The following PCDH15 variants were observed in gnomAD, a reference collection of about 807,000 sequenced individuals.
PCDH15 encodes protocadherin related 15.
A neutral mutation model predicts 178.5 loss-of-function variants in PCDH15; 129 were observed. That is an observed-to-expected ratio of 0.72 (90% CI 0.63 to 0.84). The LOEUF (loss-of-function observed/expected upper bound fraction) is 0.84, where lower values mean the gene tolerates loss of function less well. PCDH15 is among the 40% of genes least tolerant of loss of function. The pLI, the probability that PCDH15 is intolerant of heterozygous loss-of-function variation, is 0.00. For missense variants in PCDH15, 2,230 were observed against 2,099.9 expected, an observed-to-expected ratio of 1.06 and a Z score of -1.21; for synonymous variants, 800 against 732.0, an observed-to-expected ratio of 1.09 and a Z score of -1.50.
chr10:54,467,434 A>G (rs1240862693), intron 3 of PCDH15, among the ~76,000 whole-genome samples: 1 of 151,760 alleles, frequency 6.6e-6, no homozygotes, highest in African/African-American at 2.4e-5. Flanking sequence ...CACCCTCTTT[A>G]TGTGATGTAT....
At chr10:54,240,253 G>A (rs1027040667) in intron 8 of PCDH15, among the ~76,000 whole-genome samples, 4 of 150,338 alleles carry the variant, frequency 2.7e-5, no homozygotes, top group African/African-American at 4.9e-5. Context: ...TAATATGTAC[G>A]TATTCAGTTC....
At chr10:55,123,304 A>G (rs1220609460) in intron 2 of PCDH15, among the ~76,000 whole-genome samples, 1 of 152,102 alleles carries the variant, frequency 6.6e-6, no homozygotes, top group Non-Finnish European at 1.5e-5. Flanking sequence ...TTCTCTCAAC[A>G]TTTCATTTTT....
At chr10:55,330,860 G>C (rs1844182017) in intron 2 of PCDH15, among the ~76,000 whole-genome samples, 2 of 151,344 alleles carry the variant, frequency 1.3e-5, no homozygotes, top group Admixed American at 6.6e-5. Flanking sequence ...GTGTGTGTGT[G>C]TGTGTGTGTA....
intron 29 of PCDH15, among the ~76,000 whole-genome samples, chr10:53,838,492 G>A (rs1037718357): frequency 6.6e-6 from 1 of 151,906 alleles, no homozygotes; most frequent in African/African-American, 2.4e-5. Context: ...TAGAAGGTTT[G>A]CTAGTTAAAT....
intron 2 of PCDH15, among the ~76,000 whole-genome samples, chr10:54,541,662 GA>G (rs1396264640): frequency 6.7e-5 from 10 of 150,302 alleles, no homozygotes; most frequent in African/African-American, 2.4e-4. Context: ...AAGGAGAAAG[GA>G]AAAGGATAAT....
chr10:55,194,590 G>C (rs1476824396), intron 1 of PCDH15, among the ~76,000 whole-genome samples: 2 of 151,940 alleles, frequency 1.3e-5, no homozygotes, highest in African/African-American at 4.8e-5. Flanking sequence ...AAGGATACTT[G>C]CTCTTTCAAG....
At chr10:55,413,789 C>A (rs938570460) in intron 2 of PCDH15, among the ~76,000 whole-genome samples, 1 of 151,424 alleles carries the variant, frequency 6.6e-6, no homozygotes, top group East Asian at 1.9e-4. Context: ...TTTCTGAATA[C>A]AAGTTAGCTC....
In PCDH15 at chr10:55,097,574, T is replaced by C. The variant is rs370798495; in HGVS notation, c.-80+69002A>G. On this transcript the variant is annotated intron_variant, in intron 2 of 5. Transcript: ENST00000458638. ...GGATAGAAAACTAACAGAAGACACA[T>C]TCCTACAGTGCACTTACAGACAGTT... 2.0e-5 allele frequency among the ~76,000 whole-genome samples: 3 copies of C among 152,236 alleles called. No homozygotes were observed. The East Asian group carries it at 5.8e-4, about 29-fold the overall frequency.
intron 5 of PCDH15, among the ~76,000 whole-genome samples, chr10:54,356,743 T>A (rs936299497): frequency 6.6e-6 from 1 of 151,388 alleles, no homozygotes; most frequent in Non-Finnish European, 1.5e-5. Context: ...ACATGGTAAA[T>A]AAAAGTAATT....
chr10:55,320,083 G>A (rs1029546670), upstream of PCDH15, among the ~76,000 whole-genome samples: 2 of 152,070 alleles, frequency 1.3e-5, no homozygotes, highest in Non-Finnish European at 2.9e-5. Context: ...CCTCAGACTG[G>A]AGCCTCCTCT....
At chr10:55,375,453 A>G (rs575326677) in intron 2 of PCDH15, among the ~76,000 whole-genome samples, 2 of 152,190 alleles carry the variant, frequency 1.3e-5, no homozygotes, top group East Asian at 1.9e-4. Flanking sequence ...TAAAATTTTA[A>G]AGTCCTCATT....
intron 2 of PCDH15, among the ~76,000 whole-genome samples, chr10:55,579,360 C>T (rs1047726545): frequency 6.6e-6 from 1 of 152,102 alleles, no homozygotes. Flanking sequence ...ATTAGTGTAA[C>T]GCTTCAAACA....
At chr10:55,034,168 C>G (rs1840680713) in intron 2 of PCDH15, among the ~76,000 whole-genome samples, 1 of 152,042 alleles carries the variant, frequency 6.6e-6, no homozygotes, top group Non-Finnish European at 1.5e-5. Flanking sequence ...AAATAGAGTT[C>G]AGAGTGATAA....
chr10:54,950,190 G>A (rs1838302358), intron 2 of PCDH15, among the ~76,000 whole-genome samples: 3 of 152,048 alleles, frequency 2.0e-5, no homozygotes, highest in South Asian at 4.1e-4. Context: ...AGTTCAGCAT[G>A]GCTGGGATCC....
At chr10:54,200,994 C>T (rs770592151) in intron 10 of PCDH15, among the ~76,000 whole-genome samples, 1 of 152,110 alleles carries the variant, frequency 6.6e-6, no homozygotes, top group Non-Finnish European at 1.5e-5. Flanking sequence ...ATCTAACAGA[C>T]GTTTCAGATA....
At chr10:54,015,142 G>C (rs2092702262) in intron 20 of PCDH15, among the ~76,000 whole-genome samples, 1 of 151,958 alleles carries the variant, frequency 6.6e-6, no homozygotes, top group South Asian at 2.1e-4. Context: ...GCCAAATCAA[G>C]AATGCAATCC....
At chr10:54,536,997 C>CTT (rs747880795) in intron 2 of PCDH15, among the ~76,000 whole-genome samples, 13,722 of 91,800 alleles carry the variant, frequency 0.15, 1,317 homozygotes, top group East Asian at 0.43. Context: ...AATTTGTTTC[C>CTT]TTTTTTTTTT....
chr10:54,267,952 A>G lies in PCDH15; in HGVS notation c.877-31021T>C, dbSNP rs372551330. Among the ~76,000 whole-genome samples, 48 of 152,060 alleles carry G rather than the reference A, an allele frequency of 3.2e-4. 3 individuals carry two copies. The South Asian group carries it at 9.9e-3, about 32-fold the overall frequency. On this transcript the variant is annotated intron_variant, in intron 8 of 37. Transcript: ENST00000644397. ...ATTCTAAAATTTATATTTAACTAAA[A>G]AAGAGCCTGAATAGCCAACACAATC...
chr10:54,407,885 G>C lies in PCDH15; in HGVS notation c.158-28943C>G, dbSNP rs1453307417. ...AGCCTGGCCAATATGGCAATACCTCGTCTCTACTAAAAATATACAAATTAG... is the reference window on the plus strand; with the variant it reads ...AGCCTGGCCAATATGGCAATACCTCCTCTCTACTAAAAATATACAAATTAG... On this transcript the variant is annotated intron_variant, in intron 3 of 37. Transcript: ENST00000644397. 1.3e-5 allele frequency among the ~76,000 whole-genome samples: 2 copies of C among 151,642 alleles called. 1 individual carries two copies. The highest frequency in any genetic ancestry group is 4.2e-4 in the South Asian group (2 of 4,810).
Sources: allele counts gnomAD v4.1 joint callset (sites outside exome capture counted in the v4.1 genomes callset), GRCh38; gene constraint gnomAD v4.1.1; transcripts MANE v1.5; gene names NCBI Gene and HGNC (gene_info 2026-07-23, HGNC 2026-07-21).